Variants in AGAP1 observed in about 807,000 individuals in gnomAD.
AGAP1 encodes ArfGAP with GTPase domain, ankyrin repeat and PH domain 1.
Under a neutral mutation model 105.3 loss-of-function variants are expected in AGAP1, and 29 were observed. The ratio of observed to expected loss-of-function variants is 0.28; its 90% CI spans 0.21 to 0.38. The LOEUF (loss-of-function observed/expected upper bound fraction) is 0.38. Ranked by LOEUF, AGAP1 falls within the 10% of genes least tolerant of loss-of-function variation. The probability of loss-of-function intolerance (pLI) is 1.00; values close to 1 mark genes in which losing one functional copy is unlikely to be tolerated. For missense variants in AGAP1, 998 were observed against 1,165.1 expected (o/e 0.86, Z 2.09); for synonymous variants, 509 against 485.9 (o/e 1.05, Z -0.63).
At chr2:235,928,343 G>A (rs905001470) in intron 11 of AGAP1, among the ~76,000 whole-genome samples, 1 of 152,192 alleles carries the variant, frequency 6.6e-6, no homozygotes, top group African/African-American at 2.4e-5. Flanking sequence ...GGGAAGAGAA[G>A]CACACAGGAC....
At chr2:235,648,639 C>T (rs1213380775) in intron 1 of AGAP1, among the ~76,000 whole-genome samples, 2 of 151,028 alleles carry the variant, frequency 1.3e-5, no homozygotes, top group Non-Finnish European at 2.9e-5. Flanking sequence ...TTTGGGAAGC[C>T]GAGGCAGGCA....
intron 12 of AGAP1, among the ~76,000 whole-genome samples, chr2:235,937,831 G>A (rs1441987147): frequency 1.3e-5 from 2 of 152,192 alleles, no homozygotes; most frequent in Admixed American, 1.3e-4. Flanking sequence ...ACGGGGCAGA[G>A]ACCAGCCCCC....
chr2:235,689,013 C>T lies in AGAP1; in HGVS notation c.164-20166C>T, dbSNP rs1204556234. ...TGCATTTGTGCAGCGATTCCAGCAA[C>T]AACCCTGTGCGGTAGATTATTGTCC... On this transcript the variant is annotated intron_variant, in intron 1 of 17. Transcript: ENST00000304032. This position sits in a 1 kb window ranked among gnomAD's most constrained non-coding sequence, Gnocchi z 4.2. Among the ~76,000 whole-genome samples the T allele has an allele frequency of 3.3e-5, 5 of 152,134 alleles. No homozygotes were observed. The highest frequency in any genetic ancestry group is 2.6e-4 in the Admixed American group (4 of 15,262).
intron 1 of AGAP1, among the ~76,000 whole-genome samples, chr2:235,516,773 A>G (rs1183349390): frequency 6.6e-6 from 1 of 152,142 alleles, no homozygotes; most frequent in Non-Finnish European, 1.5e-5. Flanking sequence ...TCTTCCCTGT[A>G]TTCTGGAAGT....
intron 13 of AGAP1, 22 bp downstream of exon 13, chr2:235,968,645 G>T: frequency 6.3e-7 from 1 of 1,591,606 alleles, no homozygotes; most frequent in Non-Finnish European, 8.5e-7. Context: ...GCGGTGCCCC[G>T]GGAGAGAGTC....
chr2:235,960,809 A>T lies in AGAP1; in HGVS notation c.1484-7653A>T, dbSNP rs1268713345. 6.6e-6 allele frequency among the ~76,000 whole-genome samples: 1 copy of T among 152,200 alleles called. No individual in the cohort carries two copies. The highest frequency in any genetic ancestry group is 1.5e-5 in the Non-Finnish European group (1 of 68,036). ...AACAGGGAGATGCTTTCTCTGTGTC[A>T]ATAGACTTCACTCATGGACTCAGTC... is the stretch of plus-strand genomic sequence containing the variant. On this transcript the variant is annotated intron_variant, in intron 12 of 17. Transcript: ENST00000304032. This position sits in a 1 kb window ranked among gnomAD's most constrained non-coding sequence, Gnocchi z 4.9.
In AGAP1 at chr2:235,620,275, G is replaced by GC. The variant is rs1243794409; in HGVS notation, c.164-88903dup. 6.6e-6 allele frequency among the ~76,000 whole-genome samples: 1 copy of GC among 152,166 alleles called. No homozygotes were observed. The highest frequency in any genetic ancestry group is 2.4e-5 in the African/African-American group (1 of 41,436). On this transcript the variant is annotated intron_variant, in intron 1 of 17. Transcript: ENST00000304032. The surrounding 1 kb of genome is among the most constrained non-coding windows in gnomAD (Gnocchi z 4.5). ...CACCCTGGTCCCGGGCAGCAGCGTTGCTTGGCGGATTACTGCTCACCTCTT... is the reference window on the plus strand; with the variant it reads ...CACCCTGGTCCCGGGCAGCAGCGTTGCCTTGGCGGATTACTGCTCACCTCTT...
At position 235,566,126 on chromosome 2, in the gene AGAP1, C is replaced by T. The variant is rs527883930; in HGVS notation, c.163+71277C>T. The stretch of plus-strand genomic sequence containing the variant: ...TTATTATTTGAGGTGGAGTTTCACT[C>T]TGTCGCCCAGGCTAGAGTGCAGTGG... On this transcript the variant is annotated intron_variant, in intron 1 of 17. Transcript: ENST00000304032. The surrounding 1 kb of genome is among the most constrained non-coding windows in gnomAD (Gnocchi z 5.2). Among the ~76,000 whole-genome samples, 69 of 152,172 alleles carry T rather than the reference C, an allele frequency of 4.5e-4. No homozygotes were observed. The highest frequency in any genetic ancestry group is 1.2e-3 in the African/African-American group (50 of 41,522).
intron 11 of AGAP1, among the ~76,000 whole-genome samples, chr2:235,912,438 C>T (rs1253963593): frequency 6.6e-6 from 1 of 152,170 alleles, no homozygotes; most frequent in Non-Finnish European, 1.5e-5. Flanking sequence ...CCTTATTCTT[C>T]ACTCTTGACT....
rs1959213278 is a variant in AGAP1, at chr2:235,830,243, A to G, written c.1050+22912A>G. ...CCATGACACCAGTGGGCCAGGCTACAGTCACCGTTTGAGTGCCCGTGGAGG... is the reference window on the plus strand; with the variant it reads ...CCATGACACCAGTGGGCCAGGCTACGGTCACCGTTTGAGTGCCCGTGGAGG... On this transcript the variant is annotated intron_variant, in intron 9 of 17. Transcript: ENST00000304032. This position sits in a 1 kb window ranked among gnomAD's most constrained non-coding sequence, Gnocchi z 5.5. Among the ~76,000 whole-genome samples the G allele has an allele frequency of 6.6e-6, 1 of 152,206 alleles. No homozygotes were observed. Among genetic ancestry groups the G allele is most frequent in the Admixed American group, 6.5e-5 (1 of 15,284 alleles).
At chr2:235,537,563 G>A (rs1381907415) in intron 1 of AGAP1, among the ~76,000 whole-genome samples, 1 of 152,206 alleles carries the variant, frequency 6.6e-6, no homozygotes, top group Non-Finnish European at 1.5e-5. Flanking sequence ...CCATTGCTGG[G>A]CACGTGTAAA....
intron 6 of AGAP1, among the ~76,000 whole-genome samples, chr2:235,795,406 T>TGGG (rs1214510335): frequency 6.6e-6 from 1 of 152,188 alleles, no homozygotes; most frequent in African/African-American, 2.4e-5. Flanking sequence ...ATTTTCAAGA[T>TGGG]GGGGGAGACA....
At chr2:235,522,688 T>C (rs1942668207) in intron 1 of AGAP1, among the ~76,000 whole-genome samples, 1 of 151,842 alleles carries the variant, frequency 6.6e-6, no homozygotes, top group Non-Finnish European at 1.5e-5. Flanking sequence ...AGGCTGAAAG[T>C]TGTGTGAAGA....
chr2:235,800,691 G>A (rs1376966125), intron 8 of AGAP1, among the ~76,000 whole-genome samples: 2 of 152,226 alleles, frequency 1.3e-5, no homozygotes, highest in Non-Finnish European at 2.9e-5. Flanking sequence ...AAGGACATTT[G>A]GCAACTTCTG....
chr2:235,766,692 A>G (rs1449043724), intron 6 of AGAP1, among the ~76,000 whole-genome samples: 11 of 152,222 alleles, frequency 7.2e-5, no homozygotes, highest in Non-Finnish European at 1.5e-4. Flanking sequence ...TTTGCCCTGC[A>G]TGTAACTTTA....
At position 235,883,935 on chromosome 2, in the gene AGAP1, G is replaced by T. The variant is rs1343563367; in HGVS notation, c.1155+486G>T. Among the ~76,000 whole-genome samples the T allele has an allele frequency of 6.6e-6, 1 of 152,144 alleles. No homozygotes were observed. The highest frequency in any genetic ancestry group is 2.4e-5 in the African/African-American group (1 of 41,430). On this transcript the variant is annotated intron_variant, in intron 10 of 17. Coordinates refer to ENST00000304032, the MANE Select transcript of AGAP1 (RefSeq NM_001037131.3). The surrounding 1 kb of genome is among the most constrained non-coding windows in gnomAD (Gnocchi z 4.5). ...TTAGGCAAAAGAAACTCTCCTCTTT[G>T]TGTTATATGTAAGTTTATGTTACAT...
chr2:236,043,256 T>C (rs915055016), intron 15 of AGAP1, among the ~76,000 whole-genome samples: 2 of 152,194 alleles, frequency 1.3e-5, no homozygotes, highest in African/African-American at 4.8e-5. Flanking sequence ...ACTCCAGCTG[T>C]ATACTCCAGG....
chr2:235,898,728 A>G (rs1260770980), intron 10 of AGAP1, among the ~76,000 whole-genome samples: 2 of 152,186 alleles, frequency 1.3e-5, no homozygotes, highest in Admixed American at 1.3e-4. Context: ...TCGCAACAGT[A>G]TCATGAAGCT....
rs7578212 is a variant in AGAP1, at chr2:235,586,629, G to A, written c.163+91780G>A. Among the ~76,000 whole-genome samples, 83,322 of 151,986 alleles carry A rather than the reference G, an allele frequency of 0.55. 23,448 individuals carry two copies. The highest frequency in any genetic ancestry group is 0.65 in the African/African-American group (26,936 of 41,444). The stretch of plus-strand genomic sequence containing the variant: ...TGGTGATAATCCACACACTGTCCTG[G>A]GCCTTGGTTTTGCAGCATTTCCAAC... On this transcript the variant is annotated intron_variant, in intron 1 of 17. Coordinates refer to ENST00000304032, the MANE Select transcript of AGAP1 (RefSeq NM_001037131.3). This position sits in a 1 kb window ranked among gnomAD's most constrained non-coding sequence, Gnocchi z 4.2.
Sources: allele counts gnomAD v4.1 joint callset (sites outside exome capture counted in the v4.1 genomes callset), GRCh38; gene constraint gnomAD v4.1.1; non-coding constraint Gnocchi (gnomAD v3.1); transcripts MANE v1.5; gene names NCBI Gene and HGNC (gene_info 2026-07-23, HGNC 2026-07-21).